The following MOXD1 variants were observed in gnomAD, a reference collection of about 807,000 sequenced individuals.
The protein encoded by MOXD1 is DBH-like monooxygenase protein 1.
In MOXD1, 62 loss-of-function variants were observed where a neutral mutation model predicts 66.6. The observed-to-expected ratio is 0.93, with a 90% CI of 0.76 to 1.15. MOXD1 has a LOEUF of 1.15. Ranked by LOEUF, MOXD1 falls within the 50% of genes most tolerant of loss-of-function variation. MOXD1 has a pLI of 0.00. For missense variants in MOXD1, 847 were observed against 754.6 expected, an observed-to-expected ratio of 1.12 and a Z score of -1.44; for synonymous variants, 303 against 281.9, an observed-to-expected ratio of 1.07 and a Z score of -0.75.
chr6:132,389,796 T>C (rs948104163), intron 1 of MOXD1, among the ~76,000 whole-genome samples: 1 of 151,518 alleles, frequency 6.6e-6, no homozygotes, highest in African/African-American at 2.4e-5. Flanking sequence ...GGAGGCCTAG[T>C]GTCTACCTGG....
Position 132,355,387 on chromosome 6 carries a change from G to A in MOXD1, c.663+17221C>T, listed in dbSNP as rs75797450. ...CTAAATTGACTCAACTCCAGGTAAG[G>A]TCAGAAAGTTCTCCCACAAACTAGA... On this transcript the variant is annotated intron_variant, in intron 4 of 11. Coordinates refer to ENST00000367963, the MANE Select transcript of MOXD1 (RefSeq NM_015529.4). Among the ~76,000 whole-genome samples the A allele has an allele frequency of 1.6e-3, 237 of 152,264 alleles. 3 individuals carry two copies. In the East Asian group the frequency reaches 0.041, roughly 26 times the overall value.
At chr6:132,310,094 A>G (rs761101232) in intron 10 of MOXD1, among the ~76,000 whole-genome samples, 7 of 152,326 alleles carry the variant, frequency 4.6e-5, no homozygotes, top group Non-Finnish European at 7.4e-5. Context: ...AATTTTTGTA[A>G]TCTACCCATC....
chr6:132,378,952 C>T (rs1345564768), intron 1 of MOXD1, among the ~76,000 whole-genome samples: 2 of 112,842 alleles, frequency 1.8e-5, no homozygotes, highest in Non-Finnish European at 3.3e-5. Context: ...GGCTGGAGTG[C>T]AATGGCATGA....
chr6:132,382,537 T>C (rs1299544502), intron 1 of MOXD1, among the ~76,000 whole-genome samples: 2 of 152,176 alleles, frequency 1.3e-5, no homozygotes, highest in Non-Finnish European at 2.9e-5. Context: ...AGCTTGTTTA[T>C]ACATTTTTAG....
chr6:132,386,570 T>A (rs1453780830), intron 1 of MOXD1, among the ~76,000 whole-genome samples: 1 of 151,330 alleles, frequency 6.6e-6, no homozygotes, highest in Non-Finnish European at 1.5e-5. Context: ...TATAGACAGT[T>A]TTATAGTTGC....
chr6:132,332,971 A>C (rs1315248426), intron 4 of MOXD1, among the ~76,000 whole-genome samples: 3 of 152,180 alleles, frequency 2.0e-5, no homozygotes, highest in Non-Finnish European at 4.4e-5. Context: ...TCCACGGAAA[A>C]GACAAGACTT....
At chr6:132,360,984 C>T (rs1358033194) in intron 4 of MOXD1, among the ~76,000 whole-genome samples, 1 of 152,152 alleles carries the variant, frequency 6.6e-6, no homozygotes, top group Non-Finnish European at 1.5e-5. Flanking sequence ...GCTATGGGAG[C>T]ATTATTAACA....
chr6:132,385,289 A>G (rs1776602456), intron 1 of MOXD1, among the ~76,000 whole-genome samples: 1 of 151,982 alleles, frequency 6.6e-6, no homozygotes, highest in Admixed American at 6.6e-5. Context: ...GTAATGTACC[A>G]CCAGGGGAGG....
chr6:132,373,024 G>A, intron 2 of MOXD1, 27 bp from the exon 3 acceptor site: 1 of 1,580,438 alleles, frequency 6.3e-7, no homozygotes, highest in Non-Finnish European at 8.6e-7. Context: ...GGCATGATTA[G>A]GTCTCATGAG....
intron 1 of MOXD1, among the ~76,000 whole-genome samples, chr6:132,400,737 C>A (rs1448833934): frequency 6.6e-6 from 1 of 152,100 alleles, no homozygotes; most frequent in African/African-American, 2.4e-5. Flanking sequence ...GAGATTTCCA[C>A]TCCTAGACAG....
chr6:132,397,086 T>A (rs1273340012), intron 1 of MOXD1, among the ~76,000 whole-genome samples: 1 of 152,208 alleles, frequency 6.6e-6, no homozygotes, highest in African/African-American at 2.4e-5. Context: ...GCCACCATGC[T>A]GTGACAAAGT....
chr6:132,322,610 G>T, intron 8 of MOXD1, 69 bp downstream of exon 8: 1 of 1,474,162 alleles, frequency 6.8e-7, no homozygotes. Context: ...TAGAAACCTT[G>T]CCACATCTCA....
At chr6:132,395,299 A>G (rs990239676) in intron 1 of MOXD1, among the ~76,000 whole-genome samples, 2 of 152,170 alleles carry the variant, frequency 1.3e-5, no homozygotes, top group African/African-American at 4.8e-5. Context: ...AAGAAATGCC[A>G]AGGGAGTCCT....
At chr6:132,322,007 T>A (rs924727266) in intron 8 of MOXD1, among the ~76,000 whole-genome samples, 28 of 152,226 alleles carry the variant, frequency 1.8e-4, no homozygotes, top group African/African-American at 6.3e-4. Context: ...AGAAAAGATA[T>A]TGCCATTACT....
intron 10 of MOXD1, among the ~76,000 whole-genome samples, chr6:132,314,190 G>A (rs1361702977): frequency 6.6e-6 from 1 of 152,064 alleles, no homozygotes; most frequent in Non-Finnish European, 1.5e-5. Flanking sequence ...CACCATCACT[G>A]AGCCTTTACT....
In MOXD1 at chr6:132,337,081, TG is replaced by T. The variant is rs1392149618; in HGVS notation, c.664-8488del. ...TACCAGAGACAAGATAAGACAGGTTTGGCAGAGTTCGAACACTTCACTGAAG... is the reference window on the plus strand; with the variant it reads ...TACCAGAGACAAGATAAGACAGGTTTGCAGAGTTCGAACACTTCACTGAAG... On this transcript the variant is annotated intron_variant, in intron 4 of 11. Transcript: ENST00000367963. 3.3e-5 allele frequency among the ~76,000 whole-genome samples: 5 copies of T among 152,324 alleles called. No individual in the cohort carries two copies. The East Asian group carries it at 9.7e-4, about 29-fold the overall frequency.
At chr6:132,315,523 G>T in intron 10 of MOXD1, 112 bp downstream of exon 10, 1 of 1,238,226 alleles carries the variant, frequency 8.1e-7, no homozygotes, top group Non-Finnish European at 1.1e-6. Context: ...TAATCAAATA[G>T]AACAAACAGT....
At position 132,322,831 on chromosome 6, in the gene MOXD1, C is replaced by A. The variant is rs1418429507; in HGVS notation, c.1153G>T (p.Ala385Ser). 6.2e-7 allele frequency: 1 copy of A among 1,613,822 alleles called. No individual in the cohort carries two copies. ...GCCAGGTGAGCATGGAGAAGAACAG[C>A]AAACACATGAATTCCACTTGGCTTT... ...AEKPSGIHVF[A>S]VLLHAHLAGR... The change falls in exon 8 of 12, where the codon GCT becomes TCT. Residue 385 changes from alanine to serine, a missense_variant. Physicochemically the swap from Ala to Ser is moderately conservative, Grantham distance 99. Transcript: ENST00000367963.
intron 4 of MOXD1, among the ~76,000 whole-genome samples, chr6:132,358,947 A>C (rs890432391): frequency 1.3e-5 from 2 of 152,174 alleles, no homozygotes; most frequent in African/African-American, 2.4e-5. Flanking sequence ...CTATAAAAAA[A>C]CCCACATATA....
Sources: gnomAD v4.1 joint callset for allele counts (sites outside exome capture counted in the v4.1 genomes callset) on GRCh38, gnomAD v4.1.1 for gene constraint, MANE v1.5 for transcripts, NCBI Gene and HGNC (gene_info 2026-07-23, HGNC 2026-07-21) for gene names.